IFT70B: variants seen among roughly 807,000 people sequenced by gnomAD.
IFT70B encodes the protein intraflagellar transport 70B.
the IFT70B span, chr2:177,550,532 C>T: frequency 5.2e-6 from 2 of 382,864 alleles, no homozygotes; most frequent in Middle Eastern, 6.9e-4. Context: ...ATTACAACTT[C>T]TGATATAAAC....
the IFT70B span, chr2:177,552,210 C>A: frequency 6.2e-7 from 1 of 1,614,224 alleles, no homozygotes; most frequent in Non-Finnish European, 8.5e-7. Flanking sequence ...AGGCTGGTAG[C>A]CCGAGGCCTG....
the IFT70B span, chr2:177,552,314 G>C: frequency 6.2e-7 from 1 of 1,614,090 alleles, no homozygotes; most frequent in Non-Finnish European, 8.5e-7. Context: ...TCTCATTCTC[G>C]CCCCCACTTT....
At chr2:177,552,568 C>T in the IFT70B span, 5 of 1,597,330 alleles carry the variant, frequency 3.1e-6, no homozygotes, top group East Asian at 2.3e-5. Flanking sequence ...TCATAGCACT[C>T]GGCCGCCAGC....
the IFT70B span, chr2:177,551,164 C>G: frequency 8.7e-6 from 14 of 1,613,964 alleles, no homozygotes; most frequent in Admixed American, 1.7e-5. Flanking sequence ...TCTGGGTCAT[C>G]ATAAGAGAGC....
the IFT70B span, chr2:177,552,142 G>C: frequency 2.5e-6 from 4 of 1,614,132 alleles, no homozygotes; most frequent in Non-Finnish European, 2.5e-6. Context: ...ATATGCTTCA[G>C]TGCTGAAGCA....
the IFT70B span, chr2:177,552,426 C>T: frequency 6.2e-7 from 1 of 1,613,320 alleles, no homozygotes; most frequent in African/African-American, 1.3e-5. Context: ...GAGGACCCGG[C>T]TGTGGTAGGC....
At chr2:177,550,944 C>T in the IFT70B span, 1 of 1,614,154 alleles carries the variant, frequency 6.2e-7, no homozygotes, top group Middle Eastern at 1.7e-4. Context: ...TTGAATAACA[C>T]TATCACGAAG....
At chr2:177,551,939 A>T in the IFT70B span, 1 of 1,613,894 alleles carries the variant, frequency 6.2e-7, no homozygotes, top group Non-Finnish European at 8.5e-7. Flanking sequence ...GTGGCATGTC[A>T]GTGAGGGCTT....
the IFT70B span, chr2:177,551,114 T>C: frequency 6.2e-7 from 1 of 1,614,186 alleles, no homozygotes; most frequent in South Asian, 1.1e-5. Flanking sequence ...AAAGAGTTCC[T>C]ATCACCAAAT....
the IFT70B span, chr2:177,551,103 T>C: frequency 6.2e-7 from 1 of 1,614,152 alleles, no homozygotes; most frequent in South Asian, 1.1e-5. Flanking sequence ...TTTGGCACAA[T>C]AAAGAGTTCC....
the IFT70B span, chr2:177,552,761 C>T: frequency 1.3e-6 from 2 of 1,554,388 alleles, no homozygotes; most frequent in Non-Finnish European, 8.7e-7. Flanking sequence ...TCAGGCCAGC[C>T]ATAACCACCA....
chr2:177,551,912 C>G, the IFT70B span: 1 of 1,614,246 alleles, frequency 6.2e-7, no homozygotes, highest in Non-Finnish European at 8.5e-7. Context: ...CAGGGTCCAA[C>G]TCTTCCTCTG....
At chr2:177,552,548 G>A in the IFT70B span, 1 of 1,599,338 alleles carries the variant, frequency 6.3e-7, no homozygotes, top group Non-Finnish European at 8.5e-7. Context: ...GGTGCAGCTG[G>A]CCCAGCTGCT....
chr2:177,552,322 T>A, the IFT70B span: 1 of 1,614,144 alleles, frequency 6.2e-7, no homozygotes, highest in African/African-American at 1.3e-5. Flanking sequence ...TCGCCCCCAC[T>A]TTCCTCTCCC....
the IFT70B span, chr2:177,552,735 G>C: frequency 6.3e-7 from 1 of 1,582,632 alleles, no homozygotes; most frequent in South Asian, 1.1e-5. Context: ...CTCCCCGTCG[G>C]GGATCTGCGC....
the IFT70B span, chr2:177,550,702 G>A: frequency 7.3e-7 from 1 of 1,364,596 alleles, no homozygotes; most frequent in East Asian, 2.3e-5. Flanking sequence ...GATGCCAAAG[G>A]GTAAATAAAG....
chr2:177,551,120 C>T, the IFT70B span: 1 of 1,614,094 alleles, frequency 6.2e-7, no homozygotes, highest in African/African-American at 1.3e-5. Flanking sequence ...TTCCTATCAC[C>T]AAATTCACAA....
the IFT70B span, chr2:177,552,730 C>A: frequency 1.3e-6 from 2 of 1,584,156 alleles, no homozygotes; most frequent in East Asian, 2.3e-5. Context: ...GTGAACTCCC[C>A]GTCGGGGATC....
At chr2:177,551,619 A>G in the IFT70B span, 1 of 1,614,228 alleles carries the variant, frequency 6.2e-7, no homozygotes, top group East Asian at 2.2e-5. Flanking sequence ...CATCCCTGCT[A>G]GCCCATCAAG....
Sources: allele counts gnomAD v4.1 joint callset, GRCh38; gene constraint gnomAD v4.1.1; transcripts MANE v1.5; gene names NCBI Gene and HGNC (gene_info 2026-07-23, HGNC 2026-07-21).